The following EBF2 variants were observed in gnomAD, a reference collection of about 807,000 sequenced individuals.
The protein encoded by EBF2 is transcription factor COE2.
Under a neutral mutation model 72.8 loss-of-function variants are expected in EBF2, and 21 were observed. That is an observed-to-expected ratio of 0.29 (90% confidence interval 0.20 to 0.42). The LOEUF is 0.42. Ranked by LOEUF, EBF2 falls within the 10% of genes least tolerant of loss-of-function variation. The probability of loss-of-function intolerance (pLI) is 1.00; values close to 1 mark genes in which losing one functional copy is unlikely to be tolerated. For missense variants in EBF2, 637 were observed against 731.2 expected, an observed-to-expected ratio of 0.87 and a Z score of 1.49; for synonymous variants, 299 against 274.2, an observed-to-expected ratio of 1.09 and a Z score of -0.89.
chr8:26,001,489 A>G (rs1179813459), intron 6 of EBF2, among the ~76,000 whole-genome samples: 2 of 152,176 alleles, frequency 1.3e-5, no homozygotes, highest in Admixed American at 6.5e-5. Flanking sequence ...TACAGTATCT[A>G]TAATTCTAAA....
chr8:26,030,591 T>C (rs1805384813), intron 6 of EBF2, among the ~76,000 whole-genome samples: 1 of 151,818 alleles, frequency 6.6e-6, no homozygotes, highest in Admixed American at 6.6e-5. Context: ...AGCCCTACAA[T>C]AAGCAAGCCA....
chr8:25,863,692 AT>A (rs1371601324), intron 10 of EBF2, among the ~76,000 whole-genome samples: 2 of 152,130 alleles, frequency 1.3e-5, no homozygotes, highest in Admixed American at 6.5e-5. Context: ...CTTTAATCTT[AT>A]TTTTTATATA....
chr8:25,975,515 C>G (rs1455758058), intron 6 of EBF2, among the ~76,000 whole-genome samples: 1 of 152,094 alleles, frequency 6.6e-6, no homozygotes, highest in African/African-American at 2.4e-5. Flanking sequence ...GAATAATATG[C>G]TTTGCAGGTT....
At chr8:26,034,045 G>C (rs559075713) in intron 5 of EBF2, among the ~76,000 whole-genome samples, 1 of 152,214 alleles carries the variant, frequency 6.6e-6, no homozygotes, top group South Asian at 2.1e-4. Context: ...AGATATTTGT[G>C]GCTCAGTAAA....
At chr8:26,040,538 C>A in intron 4 of EBF2, 78 bp downstream of exon 4, 13 of 1,354,728 alleles carry the variant, frequency 9.6e-6, no homozygotes, top group Non-Finnish European at 1.3e-5. Flanking sequence ...GGAGGAGGGG[C>A]AGGTCAGAAA....
intron 6 of EBF2, among the ~76,000 whole-genome samples, chr8:25,944,657 A>C (rs1330056258): frequency 6.8e-6 from 1 of 148,018 alleles, no homozygotes; most frequent in African/African-American, 2.5e-5. Flanking sequence ...TGATATTAAC[A>C]TATAATTACA....
At chr8:25,978,030 C>T (rs551388022) in intron 6 of EBF2, among the ~76,000 whole-genome samples, 2 of 152,284 alleles carry the variant, frequency 1.3e-5, no homozygotes, top group East Asian at 1.9e-4. Context: ...GCACCACAAA[C>T]CCCCAGCTGA....
chr8:26,001,732 A>G (rs1357851533), intron 6 of EBF2, among the ~76,000 whole-genome samples: 1 of 152,056 alleles, frequency 6.6e-6, no homozygotes, highest in Non-Finnish European at 1.5e-5. Flanking sequence ...TATTTTTAGT[A>G]GAGACAGGGT....
chr8:25,950,011 G>A (rs1032497907), intron 6 of EBF2, among the ~76,000 whole-genome samples: 2 of 152,140 alleles, frequency 1.3e-5, no homozygotes, highest in African/African-American at 2.4e-5. Context: ...AGGAGATCTG[G>A]GATTCTACTT....
At chr8:25,888,531 C>T (rs1458346770) in intron 8 of EBF2, among the ~76,000 whole-genome samples, 4 of 152,200 alleles carry the variant, frequency 2.6e-5, no homozygotes, top group Non-Finnish European at 4.4e-5. Flanking sequence ...CCCACCTCCT[C>T]TGCCCTAAGA....
At chr8:25,902,129 T>G (rs1802964441) in intron 7 of EBF2, among the ~76,000 whole-genome samples, 1 of 152,214 alleles carries the variant, frequency 6.6e-6, no homozygotes, top group African/African-American at 2.4e-5. Flanking sequence ...TCTAAATTAT[T>G]GTCAATTCCT....
At chr8:25,978,109 C>T (rs1804297747) in intron 6 of EBF2, among the ~76,000 whole-genome samples, 1 of 152,168 alleles carries the variant, frequency 6.6e-6, no homozygotes, top group South Asian at 2.1e-4. Context: ...GAACCCTCGT[C>T]ACACTGGAAG....
intron 1 of EBF2, among the ~76,000 whole-genome samples, chr8:26,043,726 C>T (rs555714603): frequency 6.6e-6 from 1 of 152,296 alleles, no homozygotes; most frequent in East Asian, 1.9e-4. Flanking sequence ...GTGATGTTGG[C>T]ACTTAAATGT....
At position 26,030,609 on chromosome 8, in the gene EBF2, G is replaced by A. The variant is rs1805385233; in HGVS notation, c.551+2476C>T. ...CCTACAATAAGCAAGCCAAACAAAT[G>A]GATCTGTTTATAGTAAGGTGGGCTC... is the stretch of plus-strand genomic sequence containing the variant. On this transcript the variant is annotated intron_variant, in intron 6 of 15. Coordinates refer to ENST00000520164, the MANE Select transcript of EBF2 (RefSeq NM_022659.4). Among the ~76,000 whole-genome samples the A allele has an allele frequency of 3.3e-5, 5 of 151,804 alleles. 1 individual carries two copies. In the South Asian group the frequency reaches 1.0e-3, roughly 32 times the overall value.
intron 6 of EBF2, among the ~76,000 whole-genome samples, chr8:26,011,830 G>A (rs1200732849): frequency 6.6e-6 from 1 of 151,788 alleles, no homozygotes; most frequent in African/African-American, 2.4e-5. Flanking sequence ...AAAGCAATGT[G>A]TTATCATATT....
At chr8:26,020,486 C>A (rs1805187769) in intron 6 of EBF2, among the ~76,000 whole-genome samples, 1 of 152,142 alleles carries the variant, frequency 6.6e-6, no homozygotes, top group South Asian at 2.1e-4. Flanking sequence ...GAGAAAGGCA[C>A]CAGGGTGCAA....
At chr8:25,880,889 TA>T (rs563228239) in intron 10 of EBF2, among the ~76,000 whole-genome samples, 11 of 151,658 alleles carry the variant, frequency 7.3e-5, no homozygotes, top group Non-Finnish European at 8.8e-5. Context: ...CGTTATATCT[TA>T]AAAAAAAATC....
chr8:25,979,565 C>T (rs376785097), intron 6 of EBF2, among the ~76,000 whole-genome samples: 1 of 152,362 alleles, frequency 6.6e-6, no homozygotes, highest in African/African-American at 2.4e-5. Context: ...GGCATATCTC[C>T]CAAACTTACA....
chr8:26,004,713 A>G (rs1218899890), intron 6 of EBF2, among the ~76,000 whole-genome samples: 1 of 151,668 alleles, frequency 6.6e-6, no homozygotes, highest in African/African-American at 2.4e-5. Context: ...GGTTTAAAAC[A>G]AAGTGGTCCC....
Sources: allele counts gnomAD v4.1 joint callset (sites outside exome capture counted in the v4.1 genomes callset), GRCh38; gene constraint gnomAD v4.1.1; transcripts MANE v1.5; gene names NCBI Gene and HGNC (gene_info 2026-07-23, HGNC 2026-07-21).